NCKAP5: variants seen among roughly 807,000 people sequenced by gnomAD.
The protein encoded by NCKAP5 is nck-associated protein 5.
A neutral mutation model predicts 167.0 loss-of-function variants in NCKAP5; 92 were observed. That is an observed-to-expected ratio of 0.55 (90% confidence interval 0.47 to 0.66). The LOEUF (loss-of-function observed/expected upper bound fraction) is 0.66. Among genes scored for constraint, NCKAP5 ranks in the 30% least tolerant of loss-of-function variants. NCKAP5 has a pLI of 0.00. For synonymous variants in NCKAP5, 891 were observed against 877.4 expected, an observed-to-expected ratio of 1.02 and a Z score of -0.27; for missense variants, 2,378 against 2,315.0, an observed-to-expected ratio of 1.03 and a Z score of -0.56.
intron 6 of NCKAP5, among the ~76,000 whole-genome samples, chr2:133,049,709 A>C (rs2079539430): frequency 6.6e-6 from 1 of 152,184 alleles, no homozygotes. Flanking sequence ...AGAGATTCCC[A>C]GAGATTCTCA....
At chr2:133,386,532 G>T (rs946225918) in intron 3 of NCKAP5, among the ~76,000 whole-genome samples, 1 of 152,280 alleles carries the variant, frequency 6.6e-6, no homozygotes, top group South Asian at 2.1e-4. Context: ...CTGTTGATTT[G>T]GGGTGGAGAG....
intron 6 of NCKAP5, among the ~76,000 whole-genome samples, chr2:133,044,111 G>T (rs2079306536): frequency 1.3e-5 from 2 of 152,084 alleles, no homozygotes; most frequent in Admixed American, 1.3e-4. Flanking sequence ...AATGGGGCTG[G>T]TAAATTGTTT....
rs539908952 is a variant in NCKAP5 at position 133,567,301 on chromosome 2, C to A, written c.-130+915G>T. Among the ~76,000 whole-genome samples the A allele has an allele frequency of 2.6e-5, 4 of 152,282 alleles. No homozygotes were observed. In the Middle Eastern group the frequency reaches 0.01, roughly 388 times the overall value. On this transcript the variant is annotated intron_variant, in intron 1 of 19. Transcript: ENST00000409261. ...TCACTGGGCTCTTAAGCAGAACTCC[C>A]GGGTGGCAACAGAGAATAGCTCACG...
intron 5 of NCKAP5, among the ~76,000 whole-genome samples, chr2:133,197,334 T>C (rs10201375): frequency 7.2e-5 from 11 of 152,104 alleles, no homozygotes; most frequent in African/African-American, 2.4e-4. Flanking sequence ...GTGAACACTA[T>C]GGAAAGTCAG....
At chr2:132,763,588 G>C (rs1681194621) in intron 16 of NCKAP5, among the ~76,000 whole-genome samples, 1 of 152,160 alleles carries the variant, frequency 6.6e-6, no homozygotes, top group Admixed American at 6.5e-5. Context: ...GGCTTCCCAG[G>C]TGATTCTGAT....
intron 2 of NCKAP5, among the ~76,000 whole-genome samples, chr2:133,542,788 C>G (rs1349466774): frequency 1.3e-5 from 2 of 152,208 alleles, no homozygotes; most frequent in African/African-American, 2.4e-5. Flanking sequence ...ACGATAAAAT[C>G]TGAAGGTCTT....
intron 8 of NCKAP5, among the ~76,000 whole-genome samples, chr2:132,935,150 AG>A (rs1451724251): frequency 6.6e-6 from 1 of 152,220 alleles, no homozygotes; most frequent in Non-Finnish European, 1.5e-5. Context: ...TGCATTTCTC[AG>A]GAACTCATGT....
chr2:133,333,172 A>G (rs553740299), intron 3 of NCKAP5, among the ~76,000 whole-genome samples: 1 of 152,172 alleles, frequency 6.6e-6, no homozygotes, highest in African/African-American at 2.4e-5. Context: ...ACTTTCTATT[A>G]CTCTGACTAG....
chr2:132,780,264 G>C (rs1682912326), intron 15 of NCKAP5, among the ~76,000 whole-genome samples: 1 of 152,132 alleles, frequency 6.6e-6, no homozygotes, highest in Non-Finnish European at 1.5e-5. Context: ...CCATTCTCCT[G>C]CCTCAGCCTC....
In NCKAP5 at chr2:133,379,815, G is replaced by A. The variant is rs191247168; in HGVS notation, c.70-76705C>T. On this transcript the variant is annotated intron_variant, in intron 3 of 19. Coordinates refer to ENST00000409261, the MANE Select transcript of NCKAP5 (RefSeq NM_207363.3). ...AAATGCAGCTGTCATTTATGTATCA[G>A]AGACTTTATACCCATCCCTGTGTAA... is the stretch of plus-strand genomic sequence containing the variant. 3.3e-5 allele frequency among the ~76,000 whole-genome samples: 5 copies of A among 152,308 alleles called. No homozygotes were observed. The East Asian group carries it at 9.7e-4, about 29-fold the overall frequency.
intron 8 of NCKAP5, among the ~76,000 whole-genome samples, chr2:132,939,210 TA>T (rs1232490586): frequency 6.6e-6 from 1 of 152,218 alleles, no homozygotes; most frequent in Non-Finnish European, 1.5e-5. Flanking sequence ...TTATTAAAAC[TA>T]AACACATCTT....
intron 7 of NCKAP5, among the ~76,000 whole-genome samples, chr2:132,968,230 T>G (rs2149223043): frequency 6.6e-6 from 1 of 152,294 alleles, no homozygotes; most frequent in South Asian, 2.1e-4. Context: ...AGGTTCTGAT[T>G]TACATTTTAG....
At chr2:132,970,051 G>A (rs536070065) in intron 7 of NCKAP5, among the ~76,000 whole-genome samples, 1 of 152,312 alleles carries the variant, frequency 6.6e-6, no homozygotes, top group African/African-American at 2.4e-5. Context: ...GACAGAGGTA[G>A]AGGAAAGACC....
At chr2:133,123,573 G>T in intron 6 of NCKAP5, 1 of 266,094 alleles carries the variant, frequency 3.8e-6, no homozygotes, top group Non-Finnish European at 7.8e-6. Context: ...GTCTCAGGCA[G>T]AAATATTGCT....
chr2:132,988,384 C>A (rs2077352758), intron 7 of NCKAP5, among the ~76,000 whole-genome samples: 1 of 150,002 alleles, frequency 6.7e-6, no homozygotes, highest in South Asian at 2.1e-4. Flanking sequence ...ATTGTTTGAA[C>A]CCAGGAGGCG....
intron 6 of NCKAP5, among the ~76,000 whole-genome samples, chr2:133,072,082 T>TC (rs2080430064): frequency 2.2e-5 from 1 of 46,270 alleles, no homozygotes; most frequent in African/African-American, 5.2e-4. Flanking sequence ...TTATCCAGGC[T>TC]TTTTTTTTTT....
chr2:133,660,910 A>G, the NCKAP5 span, among the ~76,000 whole-genome samples: 1 of 151,878 alleles, frequency 6.6e-6, no homozygotes, highest in Admixed American at 6.6e-5. Context: ...AGAAAACCTG[A>G]ATGATTTGTA....
intron 6 of NCKAP5, among the ~76,000 whole-genome samples, chr2:133,070,403 A>C (rs1413714570): frequency 6.6e-6 from 1 of 152,102 alleles, no homozygotes; most frequent in African/African-American, 2.4e-5. Context: ...CAGGAGCCTC[A>C]ATACCTGCTC....
intron 15 of NCKAP5, among the ~76,000 whole-genome samples, chr2:132,778,699 T>C (rs1682761795): frequency 6.6e-6 from 1 of 152,240 alleles, no homozygotes. Flanking sequence ...ACAGTGAATT[T>C]ACCTTGAGCC....
Sources: gnomAD v4.1 joint callset for allele counts (sites outside exome capture counted in the v4.1 genomes callset) on GRCh38, gnomAD v4.1.1 for gene constraint, MANE v1.5 for transcripts, NCBI Gene and HGNC (gene_info 2026-07-23, HGNC 2026-07-21) for gene names.